The following MRPS16 variants were observed in gnomAD, a reference collection of about 807,000 sequenced individuals.
MRPS16 encodes mitochondrial ribosomal protein S16.
A neutral mutation model predicts 11.0 loss-of-function variants in MRPS16; 5 were observed. The observed-to-expected ratio is 0.46, with a 90% confidence interval of 0.24 to 0.96. MRPS16 has a LOEUF of 0.96. MRPS16 is among the 40% of genes least tolerant of loss of function. The probability of loss-of-function intolerance (pLI) is 0.20; values close to 1 mark genes in which losing one functional copy is unlikely to be tolerated. For missense variants in MRPS16, 179 were observed against 174.4 expected (o/e 1.03, Z -0.15); for synonymous variants, 76 against 65.0 (o/e 1.17, Z -0.81).
rs1305864593 is a variant in MRPS16, at chr10:73,249,803, A to T, written c.*1049T>A. 6.5e-6 allele frequency: 1 copy of T among 153,400 alleles called. No individual in the cohort carries two copies. The highest frequency in any genetic ancestry group is 1.5e-5 in the Non-Finnish European group (1 of 68,954). 9.5% of individuals were successfully genotyped at this position (153,400 alleles called of 1,614,324 possible). A position where few individuals can be genotyped will look rare whatever the true frequency, so the allele number is the denominator to read the frequency against. ...TTTAAGAATATGCATTAAGGCTAGG[A>T]GTGGTGGCTCACGCCAGTAATCCTA... On this transcript the variant is annotated 3_prime_UTR_variant, in exon 3 of 3. Transcript: ENST00000372945.
chr10:73,251,121 C>A, intron 2 of MRPS16, 130 bp from the exon 3 acceptor site: 1 of 1,062,246 alleles, frequency 9.4e-7, no homozygotes. Context: ...CCTCACTTGC[C>A]AAACTCTGTA....
At position 73,252,015 on chromosome 10, in the gene MRPS16, GGA is replaced by G. The variant is rs775532035; in HGVS notation, c.20_21del (p.Leu7ProfsTer48). The G allele has an allele frequency of 8.7e-6, 14 of 1,613,562 alleles. No individual in the cohort carries two copies. Among genetic ancestry groups the G allele is most frequent in the Admixed American group, 1.7e-5 (1 of 59,892 alleles). MVHLTT[L>X]LCKAYRGGHL... ...TGGCCCCCACGGTAGGCCTTGCAGA[GGA>G]GAGTAGCTGTAGAAAAGCAGCTGGT... On this transcript the variant is annotated frameshift_variant, in exon 2 of 3. Transcript: ENST00000372945. LOFTEE classifies it high-confidence loss of function.
chr10:73,252,116 T>G, intron 1 of MRPS16, 93 bp from the exon 2 acceptor site: 1 of 1,497,786 alleles, frequency 6.7e-7, no homozygotes, highest in Non-Finnish European at 9.1e-7. Context: ...CTGAAATGTC[T>G]CACTTCCAAT....
rs559411671 is a variant in MRPS16, at chr10:73,251,767, A to C, written c.270T>G (p.Leu90=). 5.6e-5 allele frequency: 91 copies of C among 1,614,206 alleles called. No homozygotes were observed. In the Admixed American group the frequency reaches 1.1e-3, roughly 20 times the overall value. ...GTAAGACCAGAGCTGAGTTACCCAG[A>C]AGCTTTTCCATAGGCTTAGAGAGGT... is the stretch of plus-strand genomic sequence containing the variant. ...GAHLSKPMEK[L]LGLAGFFPLH... is the part of the protein sequence containing the mutation. Residue 90 remains leucine, a synonymous_variant, in exon 2 of 3, where the codon CTT becomes CTG. Coordinates refer to ENST00000372945, the MANE Select transcript of MRPS16 (RefSeq NM_016065.4).
Position 73,249,274 on chromosome 10 carries a change from TCTCA to T in MRPS16, c.*1574_*1577del, listed in dbSNP as rs776907634. 26 of 1,549,064 alleles carry T rather than the reference TCTCA, an allele frequency of 1.7e-5. No homozygotes were observed. The African/African-American group carries it at 3.3e-4, about 20-fold the overall frequency. On this transcript the variant is annotated 3_prime_UTR_variant, in exon 3 of 3. Coordinates refer to ENST00000372945, the MANE Select transcript of MRPS16 (RefSeq NM_016065.4). ...TTCAAATTCTTGATGTTGAATTTCATCTCACTGACTTCAGGCTTTTAAAACACAT... is the reference window on the plus strand; with the variant it reads ...TTCAAATTCTTGATGTTGAATTTCATCTGACTTCAGGCTTTTAAAACACAT...
chr10:73,249,514 CTT>C lies in MRPS16; in HGVS notation c.*1336_*1337del. 9.6e-6 allele frequency: 5 copies of C among 519,696 alleles called. No individual in the cohort carries two copies. The highest frequency in any genetic ancestry group is 1.7e-5 in the Non-Finnish European group (5 of 297,984). The allele number at this position is 519,696 out of a possible 1,614,324, so 32.2% of individuals were successfully genotyped here. ...ACAGTTTATCCTAACACAGAGCAGC[CTT>C]CTTAACCTGCTCCATAAAATTACCA... is the stretch of plus-strand genomic sequence containing the variant. On this transcript the variant is annotated 3_prime_UTR_variant, in exon 3 of 3. Transcript: ENST00000372945.
intron 1 of MRPS16, 66 bp downstream of exon 1, chr10:73,252,404 C>A (rs928610632): frequency 1.9e-6 from 3 of 1,604,218 alleles, no homozygotes; most frequent in Admixed American, 3.3e-5. Context: ...GAGCTCTCCC[C>A]ACCCGGCCCC....
At chr10:73,252,152 G>A in intron 1 of MRPS16, 129 bp from the exon 2 acceptor site, 1 of 1,390,986 alleles carries the variant, frequency 7.2e-7, no homozygotes, top group Non-Finnish European at 9.9e-7. Context: ...CAGTTTAGAT[G>A]CTACTCTTCT....
intron 1 of MRPS16, 80 bp downstream of exon 1, chr10:73,252,390 G>A: frequency 1.9e-6 from 3 of 1,593,444 alleles, no homozygotes; most frequent in Non-Finnish European, 2.6e-6. Context: ...CATCGCGCCT[G>A]GGAGAGCTCT....
intron 1 of MRPS16, 33 bp from the exon 2 acceptor site, chr10:73,252,056 ACAG>A (rs2044117898): frequency 6.2e-7 from 1 of 1,603,384 alleles, no homozygotes; most frequent in Non-Finnish European, 8.5e-7. Context: ...GACACAAAAA[ACAG>A]CACAAAAAGG....
At position 73,249,445 on chromosome 10, in the gene MRPS16, A is replaced by T. The variant is rs2044055344; in HGVS notation, c.*1407T>A. ...AAGGTAGGAAGGAAAAGATACAAGA[A>T]GTAAAATGCAACACTCATTACAGGT... On this transcript the variant is annotated 3_prime_UTR_variant, in exon 3 of 3. Transcript: ENST00000372945. 2.2e-6 allele frequency: 2 copies of T among 918,410 alleles called. No individual in the cohort carries two copies. The highest frequency in any genetic ancestry group is 3.3e-6 in the Non-Finnish European group (2 of 609,800). 56.9% of individuals were successfully genotyped at this position (918,410 alleles called of 1,614,324 possible). A position where few individuals can be genotyped will look rare whatever the true frequency, so the allele number is the denominator to read the frequency against.
chr10:73,252,644 T>G lies in MRPS16; in HGVS notation c.-162A>C, dbSNP rs929815086. The G allele has an allele frequency of 1.0e-6, 1 of 992,166 alleles. No homozygotes were observed. Among genetic ancestry groups the G allele is most frequent in the African/African-American group, 1.6e-5 (1 of 62,174 alleles). 61.5% of individuals were successfully genotyped at this position (992,166 alleles called of 1,614,324 possible). ...CGAAAACCTCGACTCCGGAAGCGGA[T>G]GATCCGCTCGCCACGCCTCCTCCGC... On this transcript the variant is annotated 5_prime_UTR_variant, in exon 1 of 3. Transcript: ENST00000372945.
At chr10:73,252,212 A>AT in intron 1 of MRPS16, 189 bp from the exon 2 acceptor site, 1 of 1,030,156 alleles carries the variant, frequency 9.7e-7, no homozygotes, top group Non-Finnish European at 1.4e-6. Context: ...TCCTCCTCAT[A>AT]CCCAAACCCA....
Position 73,249,397 on chromosome 10 carries a change from A to C in MRPS16, c.*1455T>G. ...ATTCAAATACATTCAAACTATAAAGATCCCTTATAGATTACTGGCATCAAG... is the reference window on the plus strand; with the variant it reads ...ATTCAAATACATTCAAACTATAAAGCTCCCTTATAGATTACTGGCATCAAG... On this transcript the variant is annotated 3_prime_UTR_variant, in exon 3 of 3. Coordinates refer to ENST00000372945, the MANE Select transcript of MRPS16 (RefSeq NM_016065.4). 7.3e-7 allele frequency: 1 copy of C among 1,365,214 alleles called. No homozygotes were observed. 84.6% of individuals were successfully genotyped at this position (1,365,214 alleles called of 1,614,324 possible).
chr10:73,252,611 T>C lies in MRPS16; in HGVS notation c.-129A>G. On this transcript the variant is annotated 5_prime_UTR_variant, in exon 1 of 3. Transcript: ENST00000372945. ...GACACCAGGCCGCACCGCCAAGCGG[T>C]ACAAGCCCGAAAACCTCGACTCCGG... 1 of 1,385,920 alleles carries C rather than the reference T, an allele frequency of 7.2e-7. No individual in the cohort carries two copies. The highest frequency in any genetic ancestry group is 1.2e-5 in the South Asian group (1 of 80,382). 85.9% of individuals were successfully genotyped at this position (1,385,920 alleles called of 1,614,324 possible). A position where few individuals can be genotyped will look rare whatever the true frequency, so the allele number is the denominator to read the frequency against.
Position 73,250,637 on chromosome 10 carries a change from A to T in MRPS16, c.*215T>A. 1.7e-6 allele frequency: 1 copy of T among 586,122 alleles called. No individual in the cohort carries two copies. Among genetic ancestry groups the T allele is most frequent in the South Asian group, 1.9e-5 (1 of 52,008 alleles). 36.3% of individuals were successfully genotyped at this position (586,122 alleles called of 1,614,324 possible). On this transcript the variant is annotated 3_prime_UTR_variant, in exon 3 of 3. Coordinates refer to ENST00000372945, the MANE Select transcript of MRPS16 (RefSeq NM_016065.4). The stretch of plus-strand genomic sequence containing the variant: ...CCATAGCCACTGTCTATCCCAAGAC[A>T]AAGTCGAAAAAAGCTAATTAGTACC...
chr10:73,252,076 T>C, intron 1 of MRPS16, 53 bp from the exon 2 acceptor site: 1 of 1,584,298 alleles, frequency 6.3e-7, no homozygotes, highest in South Asian at 1.1e-5. Context: ...AAGGACAAAA[T>C]GACACAGACG....
chr10:73,250,697 C>G lies in MRPS16; in HGVS notation c.*155G>C. 1 of 987,788 alleles carries G rather than the reference C, an allele frequency of 1.0e-6. No homozygotes were observed. Among genetic ancestry groups the G allele is most frequent in the South Asian group, 1.3e-5 (1 of 74,930 alleles). The allele number at this position is 987,788 out of a possible 1,614,324, so 61.2% of individuals were successfully genotyped here. A position where few individuals can be genotyped will look rare whatever the true frequency, so the allele number is the denominator to read the frequency against. On this transcript the variant is annotated 3_prime_UTR_variant, in exon 3 of 3. Coordinates refer to ENST00000372945, the MANE Select transcript of MRPS16 (RefSeq NM_016065.4). Reference sequence around the variant, plus strand: ...CTCTAAGTCACACAAGAACAAATCTCTCCCTGGGCCCTGTGCAGGCCAGGC... The same window carrying G: ...CTCTAAGTCACACAAGAACAAATCTGTCCCTGGGCCCTGTGCAGGCCAGGC...
At chr10:73,252,228 C>A in intron 1 of MRPS16, 5 of 1,007,716 alleles carry the variant, frequency 5.0e-6, no homozygotes, top group Non-Finnish European at 7.4e-6. Flanking sequence ...ACCCACCCCG[C>A]ATGGGCTTGC....
Sources: allele counts gnomAD v4.1 joint callset, GRCh38; gene constraint gnomAD v4.1.1; transcripts MANE v1.5; gene names NCBI Gene and HGNC (gene_info 2026-07-23, HGNC 2026-07-21).